CLCN7: variants seen among roughly 807,000 people sequenced by gnomAD.
The protein encoded by CLCN7 is Cl-/H+ antiporter 7.
Under a neutral mutation model 102.1 loss-of-function variants are expected in CLCN7, and 60 were observed. That is an observed-to-expected ratio of 0.59 (90% confidence interval 0.48 to 0.73). The LOEUF (loss-of-function observed/expected upper bound fraction) is 0.73. Among genes scored for constraint, CLCN7 ranks in the 30% least tolerant of loss-of-function variants. CLCN7 has a pLI of 0.00. For synonymous variants in CLCN7, 560 were observed against 490.5 expected (o/e 1.14, Z -1.87); for missense variants, 962 against 1,125.7 (o/e 0.85, Z 2.08).
intron 13 of CLCN7, 23 bp downstream of exon 13, chr16:1,454,388 G>A: frequency 6.2e-7 from 1 of 1,611,998 alleles, no homozygotes; most frequent in Non-Finnish European, 8.5e-7. Context: ...GGCCGTCCCT[G>A]CGGTGCTGGG....
chr16:1,448,529 C>A (rs1437311608), intron 20 of CLCN7, 45 bp from the exon 21 acceptor site: 5 of 1,604,220 alleles, frequency 3.1e-6, no homozygotes, highest in Non-Finnish European at 1.7e-6. Flanking sequence ...ACGCCACCAA[C>A]TCCCACAGTT....
chr16:1,456,050 A>C (rs1366191896), intron 10 of CLCN7, 63 bp downstream of exon 10: 1 of 1,350,148 alleles, frequency 7.4e-7, no homozygotes, highest in Non-Finnish European at 1.0e-6. Context: ...TACAGAGAGG[A>C]GACCGTTCCT....
At chr16:1,454,667 AGC>A (rs2038806063) in intron 12 of CLCN7, among the ~76,000 whole-genome samples, 1 of 152,196 alleles carries the variant, frequency 6.6e-6, no homozygotes, top group South Asian at 2.1e-4. Context: ...CGGGGTGGCC[AGC>A]GAGGCTCTCA....
At chr16:1,446,894 G>A (rs1041011205) in intron 24 of CLCN7, 112 bp downstream of exon 24, 7 of 1,191,206 alleles carry the variant, frequency 5.9e-6, no homozygotes, top group African/African-American at 4.5e-5. Context: ...GGGCCGACTC[G>A]GTGCTGGGTC....
rs1256033531 is a variant in CLCN7, at chr16:1,465,019, C to T, written c.213+248G>A. Among the ~76,000 whole-genome samples the T allele has an allele frequency of 3.9e-5, 6 of 152,268 alleles. No individual in the cohort carries two copies. The South Asian group carries it at 6.2e-4, about 16-fold the overall frequency. On this transcript the variant is annotated intron_variant, in intron 2 of 24. Transcript: ENST00000382745. ...GTCCCAAAGCCAGGTCCAGCCCCCT[C>T]GCTGCCCATGCTGTCACTGCTGTCC... is the stretch of plus-strand genomic sequence containing the variant.
rs1397995731 is a variant in CLCN7, at chr16:1,447,191, T to C, written c.2251-105A>G. On this transcript the variant is annotated intron_variant, in intron 23 of 24. Transcript: ENST00000382745. ...CCCCCCACCACGGCGTCCAGGCACG[T>C]CCTGAGCCCCCACGCCCGTCTGGCC... is the stretch of plus-strand genomic sequence containing the variant. 18 of 1,239,764 alleles carry C rather than the reference T, an allele frequency of 1.5e-5. No individual in the cohort carries two copies. The East Asian group carries it at 3.8e-4, about 26-fold the overall frequency. 76.8% of individuals were successfully genotyped at this position (1,239,764 alleles called of 1,614,324 possible).
chr16:1,461,298 A>G, intron 4 of CLCN7, 107 bp downstream of exon 4: 3 of 961,096 alleles, frequency 3.1e-6, no homozygotes, highest in Non-Finnish European at 4.8e-6. Flanking sequence ...GAGTCAGAGG[A>G]GGAGGGAGGA....
rs1484439816 is a variant in CLCN7 at position 1,450,548 on chromosome 16, AG to A, written c.1565del (p.Ala522ValfsTer28). Reference sequence around the variant, plus strand: ...AGATCCCAAAGAGCCGGCCCCAGGCAGCCCCGATGAGCAGGGACGGGATGAA... The same window carrying A: ...AGATCCCAAAGAGCCGGCCCCAGGCACCCCGATGAGCAGGGACGGGATGAA... ...GVFIPSLLIG[A>X]AWGRLFGISL... On this transcript the variant is annotated frameshift_variant, in exon 17 of 25. Transcript: ENST00000382745. LOFTEE classifies it high-confidence loss of function. 6.2e-7 allele frequency: 1 copy of A among 1,611,560 alleles called. No individual in the cohort carries two copies. The highest frequency in any genetic ancestry group is 8.5e-7 in the Non-Finnish European group (1 of 1,179,504).
rs374403360 is a variant in CLCN7 at position 1,446,320 on chromosome 16, C to G, written c.*311G>C. The G allele has an allele frequency of 1.6e-4, 113 of 701,512 alleles. No individual in the cohort carries two copies. The African/African-American group carries it at 1.7e-3, about 11-fold the overall frequency. The allele number at this position is 701,512 out of a possible 1,614,324, so 43.5% of individuals were successfully genotyped here. A position where few individuals can be genotyped will look rare whatever the true frequency, so the allele number is the denominator to read the frequency against. On this transcript the variant is annotated 3_prime_UTR_variant, in exon 25 of 25. Coordinates refer to ENST00000382745, the MANE Select transcript of CLCN7 (RefSeq NM_001287.6). ...CAGGTGCCGGCCCTGCCGCTGGCTCCCAAGAGGCCGATAGCCCGGTAGGGA... is the reference window on the plus strand; with the variant it reads ...CAGGTGCCGGCCCTGCCGCTGGCTCGCAAGAGGCCGATAGCCCGGTAGGGA...
intron 1 of CLCN7, among the ~76,000 whole-genome samples, chr16:1,470,940 C>G (rs978830464): frequency 6.6e-6 from 1 of 152,204 alleles, no homozygotes; most frequent in Non-Finnish European, 1.5e-5. Flanking sequence ...CCCTGAGACC[C>G]AAGTGTTTCT....
At chr16:1,464,331 G>C (rs1209382135) in intron 2 of CLCN7, among the ~76,000 whole-genome samples, 2 of 152,348 alleles carry the variant, frequency 1.3e-5, no homozygotes, top group East Asian at 3.9e-4. Context: ...TCACGTGCTG[G>C]CTTTTTCCCT....
intron 1 of CLCN7, among the ~76,000 whole-genome samples, chr16:1,473,313 G>A (rs1003550448): frequency 2.0e-5 from 3 of 151,428 alleles, no homozygotes; most frequent in African/African-American, 7.3e-5. Context: ...CTAAGGAATT[G>A]GGAAAACCTA....
intron 1 of CLCN7, among the ~76,000 whole-genome samples, chr16:1,471,080 A>G (rs1234974385): frequency 1.3e-5 from 2 of 152,130 alleles, no homozygotes; most frequent in Non-Finnish European, 2.9e-5. Flanking sequence ...GGCTTGGTCA[A>G]TTCACCACTA....
chr16:1,457,915 C>T lies in CLCN7; in HGVS notation c.676-159G>A, dbSNP rs1049737013. 2.0e-5 allele frequency among the ~76,000 whole-genome samples: 3 copies of T among 152,214 alleles called. No homozygotes were observed. Among genetic ancestry groups the T allele is most frequent in the Non-Finnish European group, 2.9e-5 (2 of 68,020 alleles). On this transcript the variant is annotated intron_variant, in intron 7 of 24. Coordinates refer to ENST00000382745, the MANE Select transcript of CLCN7 (RefSeq NM_001287.6). The surrounding 1 kb of genome is among the most constrained non-coding windows in gnomAD (Gnocchi z 5.4). ...CCCCCAGGCTGGGTCTCCCCATGGC[C>T]ACAGTGGAGCTAAACAGCAGCCAAG...
chr16:1,456,086 C>A (rs2038830802), intron 10 of CLCN7, 27 bp downstream of exon 10: 1 of 1,515,800 alleles, frequency 6.6e-7, no homozygotes. Context: ...GAGGGCAAAG[C>A]ATTGGACCCG....
chr16:1,465,286 T>G lies in CLCN7; in HGVS notation c.194A>C (p.Asp65Ala). ...ACTCACCGGGTCCAAAAGTTCATCA[T>G]CCAGCTCCACGCTGCTCATATGTCC... ...RVGHMSSVEL[D>A]DELLDPDMDP... The change falls in exon 2 of 25, where the codon GAT (aspartate) becomes GCT (alanine). Residue 65 changes from aspartate to alanine, a missense_variant. Asp to Ala is a moderately radical substitution (Grantham distance 126). Around this residue, in one of 2 missense-constraint regions of CLCN7, gnomAD observed 163 missense variants for 137.7 expected, o/e 1.18. Transcript: ENST00000382745. The G allele has an allele frequency of 1.2e-6, 2 of 1,613,870 alleles. No homozygotes were observed. Among genetic ancestry groups the G allele is most frequent in the Non-Finnish European group, 1.7e-6 (2 of 1,179,986 alleles).
At chr16:1,458,911 T>C (rs1042443246) in intron 7 of CLCN7, among the ~76,000 whole-genome samples, 196 bp downstream of exon 7, 2 of 152,184 alleles carry the variant, frequency 1.3e-5, no homozygotes, top group African/African-American at 2.4e-5. Context: ...TAATTTAATA[T>C]GTGCAAATAC....
At chr16:1,452,607 G>A (rs2038768872) in intron 15 of CLCN7, 148 bp downstream of exon 15, 3 of 831,232 alleles carry the variant, frequency 3.6e-6, no homozygotes, top group Non-Finnish European at 5.6e-6. Flanking sequence ...TGGGTGGACA[G>A]GACTAACCCT....
At chr16:1,451,756 G>T in intron 15 of CLCN7, 40 bp from the exon 16 acceptor site, 1 of 1,543,810 alleles carries the variant, frequency 6.5e-7, no homozygotes, top group South Asian at 1.1e-5. Flanking sequence ...GAGGGGAGAT[G>T]AGCTGGTGGG....
Sources: allele counts gnomAD v4.1 joint callset (sites outside exome capture counted in the v4.1 genomes callset), GRCh38; gene constraint gnomAD v4.1.1; regional missense constraint gnomAD v4.1.1; non-coding constraint Gnocchi (gnomAD v3.1); transcripts MANE v1.5; gene names NCBI Gene and HGNC (gene_info 2026-07-23, HGNC 2026-07-21).